The following SESN1 variants were observed in gnomAD, a reference collection of about 807,000 sequenced individuals.
The protein encoded by SESN1 is sestrin-1.
In SESN1, 30 loss-of-function variants were observed where a neutral mutation model predicts 59.3. The ratio of observed to expected loss-of-function variants is 0.51; its 90% CI spans 0.38 to 0.69. SESN1 has a LOEUF of 0.69. Among genes scored for constraint, SESN1 ranks in the 30% least tolerant of loss-of-function variants. The probability of loss-of-function intolerance (pLI) is 0.00; values close to 1 mark genes in which losing one functional copy is unlikely to be tolerated. For missense variants in SESN1, 566 were observed against 673.0 expected, an observed-to-expected ratio of 0.84 and a Z score of 1.76; for synonymous variants, 197 against 219.9, an observed-to-expected ratio of 0.90 and a Z score of 0.92.
intron 1 of SESN1, among the ~76,000 whole-genome samples, chr6:109,063,893 A>T (rs977443928): frequency 2.7e-4 from 39 of 146,456 alleles, no homozygotes; most frequent in African/African-American, 9.9e-4. Context: ...GTTATCCTTT[A>T]AAAAAAAAAG....
chr6:109,076,688 G>A (rs1418443652), intron 1 of SESN1, among the ~76,000 whole-genome samples: 5 of 152,116 alleles, frequency 3.3e-5, no homozygotes, highest in African/African-American at 4.8e-5. Context: ...CCAGTCATCC[G>A]AGATTTGGTT....
At chr6:109,002,092 C>G (rs1157089366) in intron 2 of SESN1, among the ~76,000 whole-genome samples, 186 bp downstream of exon 2, 1 of 152,138 alleles carries the variant, frequency 6.6e-6, no homozygotes, top group East Asian at 1.9e-4. Context: ...TCATGAAATA[C>G]TAGAAATCAA....
intron 1 of SESN1, among the ~76,000 whole-genome samples, chr6:109,049,824 C>T (rs1436617241): frequency 4.6e-5 from 7 of 151,200 alleles, no homozygotes; most frequent in African/African-American, 1.5e-4. Flanking sequence ...ACCAAAATAC[C>T]CTCTTTAAAA....
At chr6:109,022,516 G>A (rs1202781611) in intron 1 of SESN1, among the ~76,000 whole-genome samples, 3 of 138,740 alleles carry the variant, frequency 2.2e-5, no homozygotes, top group Non-Finnish European at 4.5e-5. Context: ...TCCACCTCCC[G>A]GGTTCATGCC....
At chr6:109,013,478 A>C (rs959624257) in intron 1 of SESN1, among the ~76,000 whole-genome samples, 1 of 152,208 alleles carries the variant, frequency 6.6e-6, no homozygotes, top group African/African-American at 2.4e-5. Flanking sequence ...TGCTCTCCTG[A>C]CCAAGTGGCT....
intron 1 of SESN1, among the ~76,000 whole-genome samples, chr6:109,016,574 G>A (rs562036418): frequency 4.4e-4 from 67 of 152,214 alleles, no homozygotes; most frequent in Middle Eastern, 3.4e-3. Context: ...ATAAAATGCT[G>A]TTCACTGAAC....
At chr6:109,088,088 A>C (rs1379033810) in intron 1 of SESN1, 1 of 152,170 alleles carries the variant, frequency 6.6e-6, no homozygotes, top group Admixed American at 6.5e-5. Flanking sequence ...GTCAATAGAA[A>C]CTGAGAGGAA....
At chr6:109,000,145 G>C (rs1779583821) in intron 4 of SESN1, 1 of 163,354 alleles carries the variant, frequency 6.1e-6, no homozygotes, top group Admixed American at 6.5e-5. Flanking sequence ...GAAGGGGAAA[G>C]GGGGGGAAAG....
chr6:109,019,662 T>A (rs553246080), intron 1 of SESN1, among the ~76,000 whole-genome samples: 3 of 152,324 alleles, frequency 2.0e-5, no homozygotes, highest in African/African-American at 7.2e-5. Flanking sequence ...AAATTTGACC[T>A]AATAACTATT....
At chr6:109,026,650 G>A (rs557998688) in intron 1 of SESN1, among the ~76,000 whole-genome samples, 7 of 152,074 alleles carry the variant, frequency 4.6e-5, no homozygotes, top group South Asian at 2.1e-4. Context: ...GACTACAGGC[G>A]TGCGCCACCA....
In SESN1 at chr6:109,043,076, C is replaced by T. The variant is rs965279871; in HGVS notation, c.280-40733G>A. Among the ~76,000 whole-genome samples the T allele has an allele frequency of 1.8e-4, 27 of 151,908 alleles. 1 individual carries two copies. ...CAATGCAATCTACCATTTTAACAGG[C>T]TAAGGAAGAAAAACCATATGTTCAT... On this transcript the variant is annotated intron_variant, in intron 1 of 9. Transcript: ENST00000436639.
At chr6:109,068,664 G>A (rs962072999) in intron 1 of SESN1, among the ~76,000 whole-genome samples, 1 of 150,698 alleles carries the variant, frequency 6.6e-6, no homozygotes, top group Non-Finnish European at 1.5e-5. Context: ...ATATTGAAAA[G>A]ACCCAAGCAT....
intron 8 of SESN1, among the ~76,000 whole-genome samples, chr6:108,990,123 G>A (rs1412059708): frequency 6.6e-6 from 1 of 152,200 alleles, no homozygotes; most frequent in African/African-American, 2.4e-5. Context: ...GTGTGAGAAG[G>A]TGGTATACAA....
chr6:108,987,375 C>A lies in SESN1; in HGVS notation c.*169G>T. ...ACTTGAAGCTGCCAAACAGTCACTG[C>A]TTGTGCCAGCAGTGGTTTTCCACAG... On this transcript the variant is annotated 3_prime_UTR_variant, in exon 10 of 10. Coordinates refer to ENST00000436639, the MANE Select transcript of SESN1 (RefSeq NM_014454.3). The A allele has an allele frequency of 1.9e-6, 1 of 518,734 alleles. No homozygotes were observed. Among genetic ancestry groups the A allele is most frequent in the Non-Finnish European group, 3.4e-6 (1 of 291,516 alleles). The allele number at this position is 518,734 out of a possible 1,614,324, so 32.1% of individuals were successfully genotyped here.
At chr6:109,069,731 T>C (rs772638868) in intron 1 of SESN1, among the ~76,000 whole-genome samples, 1 of 148,816 alleles carries the variant, frequency 6.7e-6, no homozygotes, top group Non-Finnish European at 1.5e-5. Context: ...ATTTTTTTGT[T>C]GAGATGGTGG....
intron 7 of SESN1, among the ~76,000 whole-genome samples, chr6:108,991,149 A>G (rs989428315): frequency 3.3e-5 from 5 of 151,752 alleles, no homozygotes; most frequent in Non-Finnish European, 7.4e-5. Context: ...CTCTCCACTC[A>G]GCCCCCCAGA....
At chr6:109,081,880 G>C (rs1169599377) in intron 1 of SESN1, among the ~76,000 whole-genome samples, 1 of 152,200 alleles carries the variant, frequency 6.6e-6, no homozygotes, top group Non-Finnish European at 1.5e-5. Context: ...TCCCATTGGG[G>C]GAAGCACAGT....
chr6:109,034,957 A>G (rs1270725812), intron 1 of SESN1, among the ~76,000 whole-genome samples: 1 of 152,246 alleles, frequency 6.6e-6, no homozygotes, highest in Non-Finnish European at 1.5e-5. Context: ...TGTCACTGGA[A>G]GCCTAATCTC....
At chr6:109,011,009 T>C (rs1177242427) in intron 1 of SESN1, among the ~76,000 whole-genome samples, 1 of 152,254 alleles carries the variant, frequency 6.6e-6, no homozygotes, top group Non-Finnish European at 1.5e-5. Flanking sequence ...GGTAGAAGTA[T>C]GTGAAAAATG....
Sources: allele counts gnomAD v4.1 joint callset (sites outside exome capture counted in the v4.1 genomes callset), GRCh38; gene constraint gnomAD v4.1.1; transcripts MANE v1.5; gene names NCBI Gene and HGNC (gene_info 2026-07-23, HGNC 2026-07-21).